The following MTUS2 variants were observed in gnomAD, a reference collection of about 807,000 sequenced individuals.
MTUS2 encodes the protein microtubule-associated tumor suppressor candidate 2.
Under a neutral mutation model 114.1 loss-of-function variants are expected in MTUS2, and 40 were observed. The ratio of observed to expected loss-of-function variants is 0.35; its 90% CI spans 0.27 to 0.46. MTUS2 has a LOEUF of 0.46. Among genes scored for constraint, MTUS2 ranks in the 20% least tolerant of loss-of-function variants. MTUS2 has a pLI of 1.00. For synonymous variants in MTUS2, 688 were observed against 672.0 expected (o/e 1.02, Z -0.37); for missense variants, 1,679 against 1,705.4 (o/e 0.98, Z 0.27).
At chr13:29,375,912 G>A (rs1262122780) in intron 8 of MTUS2, among the ~76,000 whole-genome samples, 3 of 151,262 alleles carry the variant, frequency 2.0e-5, no homozygotes, top group Admixed American at 1.3e-4. Flanking sequence ...TCAGGTGATG[G>A]GTGCACCAAA....
chr13:29,060,304 G>A (rs1179796588), intron 4 of MTUS2, among the ~76,000 whole-genome samples: 1 of 152,154 alleles, frequency 6.6e-6, no homozygotes, highest in Non-Finnish European at 1.5e-5. Flanking sequence ...ATAGGGGTGG[G>A]GCGGGGTGTC....
chr13:29,479,772 C>A (rs149841607), intron 9 of MTUS2, among the ~76,000 whole-genome samples: 1 of 152,176 alleles, frequency 6.6e-6, no homozygotes, highest in Non-Finnish European at 1.5e-5. Context: ...TCACCCAGGG[C>A]GTATTTCAGA....
At chr13:28,981,221 A>C (rs1176103644) in intron 2 of MTUS2, among the ~76,000 whole-genome samples, 1 of 152,272 alleles carries the variant, frequency 6.6e-6, no homozygotes, top group Non-Finnish European at 1.5e-5. Context: ...AAAGTTAAAT[A>C]AAGATACTAC....
intron 5 of MTUS2, among the ~76,000 whole-genome samples, chr13:29,265,421 C>T (rs1263707227): frequency 6.6e-6 from 1 of 152,212 alleles, no homozygotes; most frequent in Non-Finnish European, 1.5e-5. Context: ...CTTCCAAACT[C>T]TTTCAACCTC....
chr13:29,035,393 G>A (rs893409278), intron 4 of MTUS2, among the ~76,000 whole-genome samples: 17 of 152,166 alleles, frequency 1.1e-4, no homozygotes, highest in African/African-American at 3.9e-4. Flanking sequence ...TTCTTAATTT[G>A]GAGACCAGGG....
At chr13:28,896,774 C>G (rs1333834422) in intron 2 of MTUS2, among the ~76,000 whole-genome samples, 1 of 152,198 alleles carries the variant, frequency 6.6e-6, no homozygotes, top group East Asian at 1.9e-4. Flanking sequence ...TGATCTTTGA[C>G]AAACCTGACA....
chr13:29,470,326 A>G (rs1301269193), intron 9 of MTUS2, among the ~76,000 whole-genome samples: 4 of 152,144 alleles, frequency 2.6e-5, no homozygotes, highest in African/African-American at 7.2e-5. Context: ...CTAACTGACA[A>G]CCTCTAACAT....
At chr13:29,477,391 A>C (rs1386282480) in intron 9 of MTUS2, among the ~76,000 whole-genome samples, 1 of 152,150 alleles carries the variant, frequency 6.6e-6, no homozygotes, top group East Asian at 1.9e-4. Flanking sequence ...AATCCTGATT[A>C]CTTTTTCTTA....
chr13:29,156,732 G>C (rs375450711), intron 5 of MTUS2, among the ~76,000 whole-genome samples: 95 of 152,234 alleles, frequency 6.2e-4, no homozygotes, highest in African/African-American at 2.1e-3. Context: ...TCGTTTATAT[G>C]AAAAGATACC....
At position 29,024,531 on chromosome 13, in the gene MTUS2, C is replaced by T; in HGVS notation, c.-168C>T. Reference sequence around the variant, plus strand: ...CTTCCTGCTGTATATCAAGACAATGCTTGGTTTTCAAGCTGTTCTGAGAAT... The same window carrying T: ...CTTCCTGCTGTATATCAAGACAATGTTTGGTTTTCAAGCTGTTCTGAGAAT... On this transcript the variant is annotated 5_prime_UTR_variant, in exon 3 of 16. Coordinates refer to ENST00000612955, the MANE Select transcript of MTUS2 (RefSeq NM_001033602.4). 1.3e-6 allele frequency: 1 copy of T among 771,438 alleles called. No homozygotes were observed. The highest frequency in any genetic ancestry group is 2.1e-6 in the Non-Finnish European group (1 of 485,342). The allele number at this position is 771,438 out of a possible 1,614,324, so 47.8% of individuals were successfully genotyped here. A position where few individuals can be genotyped will look rare whatever the true frequency, so the allele number is the denominator to read the frequency against.
chr13:28,909,173 G>C (rs1261829161), intron 2 of MTUS2, among the ~76,000 whole-genome samples: 3 of 151,440 alleles, frequency 2.0e-5, no homozygotes, highest in African/African-American at 7.3e-5. Flanking sequence ...GGCGATGCGG[G>C]CTTTTTTTTG....
intron 2 of MTUS2, among the ~76,000 whole-genome samples, chr13:29,012,767 G>A (rs564310995): frequency 2.6e-5 from 4 of 152,150 alleles, no homozygotes; most frequent in South Asian, 2.1e-4. Flanking sequence ...CCAGCTACTC[G>A]GGAGGCTGAG....
At chr13:29,109,956 G>A (rs777060683) in intron 5 of MTUS2, among the ~76,000 whole-genome samples, 2 of 152,166 alleles carry the variant, frequency 1.3e-5, no homozygotes, top group Admixed American at 6.5e-5. Context: ...AAAACATATC[G>A]TTTTTGAGAC....
intron 2 of MTUS2, among the ~76,000 whole-genome samples, chr13:28,927,579 T>C (rs1412147859): frequency 1.3e-5 from 2 of 151,982 alleles, no homozygotes; most frequent in African/African-American, 4.8e-5. Context: ...AAAAATGAAT[T>C]ACAAACAAAA....
chr13:28,925,954 G>A (rs574070858), intron 2 of MTUS2, among the ~76,000 whole-genome samples: 2 of 152,322 alleles, frequency 1.3e-5, no homozygotes, highest in African/African-American at 2.4e-5. Flanking sequence ...TCTATCACCA[G>A]GGTCTTGAAT....
chr13:29,304,641 G>A (rs1192493167), intron 6 of MTUS2, among the ~76,000 whole-genome samples: 1 of 152,152 alleles, frequency 6.6e-6, no homozygotes, highest in African/African-American at 2.4e-5. Context: ...CATAAAGCAA[G>A]TTCTCAGAGA....
intron 2 of MTUS2, among the ~76,000 whole-genome samples, chr13:28,857,989 G>A (rs1418548892): frequency 6.6e-6 from 1 of 152,216 alleles, no homozygotes; most frequent in Non-Finnish European, 1.5e-5. Flanking sequence ...AAGCACAAGT[G>A]TACGATTGCA....
In MTUS2 at chr13:29,024,499, G is replaced by T. The variant is rs1014144643; in HGVS notation, c.-200G>T. ...GCTCTCATTCAGCAGGAACCTAACA[G>T]ATAAGTCTTCCTGCTGTATATCAAG... On this transcript the variant is annotated 5_prime_UTR_variant, in exon 3 of 16. Coordinates refer to ENST00000612955, the MANE Select transcript of MTUS2 (RefSeq NM_001033602.4). The T allele has an allele frequency of 9.8e-6, 6 of 614,388 alleles. No homozygotes were observed. The highest frequency in any genetic ancestry group is 9.3e-5 in the African/African-American group (5 of 53,980). 38.1% of individuals were successfully genotyped at this position (614,388 alleles called of 1,614,324 possible).
chr13:29,487,199 G>A (rs1881679188), intron 10 of MTUS2, among the ~76,000 whole-genome samples: 1 of 152,124 alleles, frequency 6.6e-6, no homozygotes, highest in Non-Finnish European at 1.5e-5. Flanking sequence ...AGACCTGCCA[G>A]CCTCACCTGG....
Sources: allele counts gnomAD v4.1 joint callset (sites outside exome capture counted in the v4.1 genomes callset), GRCh38; gene constraint gnomAD v4.1.1; transcripts MANE v1.5; gene names NCBI Gene and HGNC (gene_info 2026-07-23, HGNC 2026-07-21).